Variants in PLCXD3 observed in about 807,000 individuals in gnomAD.
PLCXD3 encodes the protein phosphatidylinositol specific phospholipase C X domain containing 3.
Under a neutral mutation model 25.5 loss-of-function variants are expected in PLCXD3, and 19 were observed. The observed-to-expected ratio is 0.75, with a 90% CI of 0.52 to 1.09. The LOEUF (loss-of-function observed/expected upper bound fraction) is 1.09. PLCXD3 is among the 50% of genes least tolerant of loss of function. PLCXD3 has a pLI of 0.00. For synonymous variants in PLCXD3, 174 were observed against 137.6 expected (o/e 1.26, Z -1.85); for missense variants, 411 against 388.1 (o/e 1.06, Z -0.50).
At chr5:41,480,011 T>C (rs968803583) in intron 1 of PLCXD3, among the ~76,000 whole-genome samples, 1 of 152,208 alleles carries the variant, frequency 6.6e-6, no homozygotes, top group African/African-American at 2.4e-5. Context: ...ATTAAAGCAT[T>C]GTCTCAAAGT....
chr5:41,402,985 C>G (rs957620775), intron 1 of PLCXD3, among the ~76,000 whole-genome samples: 1 of 151,930 alleles, frequency 6.6e-6, no homozygotes, highest in African/African-American at 2.4e-5. Context: ...AATTGTAATC[C>G]ATTAACATCT....
rs1055391229 is a variant in PLCXD3, at chr5:41,312,200, G to A, written c.*1417C>T. The A allele has an allele frequency of 6.6e-5, 10 of 152,382 alleles. No individual in the cohort carries two copies. The highest frequency in any genetic ancestry group is 1.9e-4 in the African/African-American group (8 of 41,402). 9.4% of individuals were successfully genotyped at this position (152,382 alleles called of 1,614,324 possible). On this transcript the variant is annotated 3_prime_UTR_variant, in exon 3 of 3. Coordinates refer to ENST00000377801, the MANE Select transcript of PLCXD3 (RefSeq NM_001005473.3). ...TCCCTGTAGACCCGGACTATTAAAC[G>A]TTAGGTTGCAGAAACTTTGTGTGAA... is the stretch of plus-strand genomic sequence containing the variant.
At chr5:41,377,321 T>G (rs980934564) in intron 2 of PLCXD3, among the ~76,000 whole-genome samples, 2 of 151,772 alleles carry the variant, frequency 1.3e-5, no homozygotes, top group African/African-American at 4.8e-5. Context: ...GTTATTATTA[T>G]TATTATTGTT....
At chr5:41,492,856 T>G (rs1045580421) in intron 1 of PLCXD3, among the ~76,000 whole-genome samples, 2 of 152,222 alleles carry the variant, frequency 1.3e-5, no homozygotes, top group African/African-American at 4.8e-5. Context: ...AGTTTTCAAC[T>G]TCTTTGCCTT....
rs866028656 is a variant in PLCXD3, at chr5:41,357,563, C to G, written c.812+24263G>C. ...AGAATTGAATAGTGCTCCCTATTTT[C>G]AAAGAGCTGACCAGGCAGTCAACCA... On this transcript the variant is annotated intron_variant, in intron 2 of 2. Coordinates refer to ENST00000377801, the MANE Select transcript of PLCXD3 (RefSeq NM_001005473.3). Among the ~76,000 whole-genome samples the G allele has an allele frequency of 2.0e-5, 3 of 152,184 alleles. No individual in the cohort carries two copies. The East Asian group carries it at 5.8e-4, about 29-fold the overall frequency.
chr5:41,314,467 A>G (rs1183495607), intron 2 of PLCXD3, among the ~76,000 whole-genome samples: 2 of 152,246 alleles, frequency 1.3e-5, no homozygotes, highest in East Asian at 1.9e-4. Flanking sequence ...AGTTTGATAG[A>G]AGGGAATAAG....
intron 2 of PLCXD3, among the ~76,000 whole-genome samples, chr5:41,316,848 T>C (rs1236141258): frequency 2.0e-5 from 3 of 152,162 alleles, no homozygotes; most frequent in Admixed American, 6.5e-5. Context: ...TGTAATTGGA[T>C]ACCAGATAAA....
At chr5:41,428,907 T>C (rs1384616583) in intron 1 of PLCXD3, among the ~76,000 whole-genome samples, 1 of 152,142 alleles carries the variant, frequency 6.6e-6, no homozygotes, top group Non-Finnish European at 1.5e-5. Context: ...ACTGCCAGTT[T>C]TAACCATAGA....
intron 2 of PLCXD3, 120 bp downstream of exon 2, chr5:41,381,706 G>T: frequency 2.4e-6 from 2 of 821,892 alleles, no homozygotes; most frequent in Non-Finnish European, 3.8e-6. Flanking sequence ...GTGGTACTTT[G>T]CTATTGCAGC....
chr5:41,333,054 C>T (rs1412859588), intron 2 of PLCXD3, among the ~76,000 whole-genome samples: 1 of 152,010 alleles, frequency 6.6e-6, no homozygotes, highest in Admixed American at 6.6e-5. Context: ...TGTAACTAAC[C>T]TGCACATTGT....
intron 2 of PLCXD3, among the ~76,000 whole-genome samples, chr5:41,365,081 A>G (rs318838): frequency 0.92 from 139,541 of 152,274 alleles, 64,372 homozygotes; most frequent in African/African-American, 0.96. Context: ...AAAGTGTTGT[A>G]AATCTGTGGC....
At chr5:41,315,224 G>A (rs759956879) in intron 2 of PLCXD3, among the ~76,000 whole-genome samples, 20 of 151,974 alleles carry the variant, frequency 1.3e-4, no homozygotes, top group Non-Finnish European at 2.4e-4. Flanking sequence ...CATGACAAAA[G>A]GATAAATGAA....
In PLCXD3 at chr5:41,313,630, T is replaced by C; in HGVS notation, c.953A>G (p.Glu318Gly). ...IKLNYVFDEGEANT is the reference protein window; with the variant it reads ...IKLNYVFDEGGANT ...CAAGTAGTGCTATCAAGTGTTGGCT[T>C]CTCCTTCATCAAAGACATAGTTGAG... Residue 318 changes from glutamate (E) to glycine (G), a missense_variant, in exon 3 of 3, where the codon GAA becomes GGA. Coordinates refer to ENST00000377801, the MANE Select transcript of PLCXD3 (RefSeq NM_001005473.3). 6.2e-7 allele frequency: 1 copy of C among 1,613,828 alleles called. No individual in the cohort carries two copies. The highest frequency in any genetic ancestry group is 8.5e-7 in the Non-Finnish European group (1 of 1,179,778).
At chr5:41,370,214 G>T (rs1376273121) in intron 2 of PLCXD3, among the ~76,000 whole-genome samples, 1 of 152,138 alleles carries the variant, frequency 6.6e-6, no homozygotes, top group Non-Finnish European at 1.5e-5. Flanking sequence ...TCTAATTATT[G>T]TTAATACTTT....
At chr5:41,433,156 T>C (rs980633672) in intron 1 of PLCXD3, among the ~76,000 whole-genome samples, 1 of 152,188 alleles carries the variant, frequency 6.6e-6, no homozygotes, top group African/African-American at 2.4e-5. Flanking sequence ...TTGTGGCTAC[T>C]CATCTGCTGG....
intron 1 of PLCXD3, among the ~76,000 whole-genome samples, chr5:41,508,056 A>C (rs1434426791): frequency 6.6e-6 from 1 of 152,208 alleles, no homozygotes; most frequent in Non-Finnish European, 1.5e-5. Flanking sequence ...AGTATTCAGG[A>C]GTATAGATTT....
chr5:41,412,885 C>T (rs888929876), intron 1 of PLCXD3, among the ~76,000 whole-genome samples: 6 of 152,134 alleles, frequency 3.9e-5, no homozygotes, highest in African/African-American at 1.4e-4. Context: ...TTCTTTAATT[C>T]AACTATTTGT....
chr5:41,382,733 A>T (rs908419875), intron 1 of PLCXD3, among the ~76,000 whole-genome samples, 199 bp from the exon 2 acceptor site: 2 of 152,136 alleles, frequency 1.3e-5, no homozygotes, highest in African/African-American at 4.8e-5. Flanking sequence ...CAATAGATCA[A>T]ATTGGTTATT....
intron 1 of PLCXD3, among the ~76,000 whole-genome samples, chr5:41,396,634 C>T (rs1345754771): frequency 6.6e-6 from 1 of 152,120 alleles, no homozygotes; most frequent in Admixed American, 6.6e-5. Flanking sequence ...TTGGAGGCAT[C>T]AGAAGAAGAC....
Sources: gnomAD v4.1 joint callset for allele counts (sites outside exome capture counted in the v4.1 genomes callset) on GRCh38, gnomAD v4.1.1 for gene constraint, MANE v1.5 for transcripts, NCBI Gene and HGNC (gene_info 2026-07-23, HGNC 2026-07-21) for gene names.